ZNF679: variants seen among roughly 807,000 people sequenced by gnomAD.
ZNF679 encodes hypothetical protein MGC42415.
Under a neutral mutation model 13.4 loss-of-function variants are expected in ZNF679, and 10 were observed. The ratio of observed to expected loss-of-function variants is 0.75; its 90% CI spans 0.46 to 1.27. ZNF679 has a LOEUF of 1.27. ZNF679 is among the 50% of genes most tolerant of loss of function. ZNF679 has a pLI of 0.00. For missense variants in ZNF679, 525 were observed against 477.8 expected, an observed-to-expected ratio of 1.10 and a Z score of -0.92; for synonymous variants, 179 against 162.5, an observed-to-expected ratio of 1.10 and a Z score of -0.77.
At position 64,237,022 on chromosome 7, in the gene ZNF679, A is replaced by C. The variant is rs542388944; in HGVS notation, c.-91+8370A>C. ...AAGAAAAAGAAAGAAAGAAAGAAAG[A>C]AACCTATGGGTAGGGAACAGTACAC... is the stretch of plus-strand genomic sequence containing the variant. On this transcript the variant is annotated intron_variant, in intron 1 of 4. Coordinates refer to ENST00000421025, the MANE Select transcript of ZNF679 (RefSeq NM_153363.3). Among the ~76,000 whole-genome samples, 59 of 151,026 alleles carry C rather than the reference A, an allele frequency of 3.9e-4. 1 individual carries two copies. The East Asian group carries it at 7.4e-3, about 19-fold the overall frequency.
intron 4 of ZNF679, among the ~76,000 whole-genome samples, chr7:64,265,674 T>C (rs1788134008): frequency 1.3e-5 from 2 of 152,218 alleles, no homozygotes; most frequent in Admixed American, 1.3e-4. Flanking sequence ...CTCTTGGTAT[T>C]GTGCCCACCT....
intron 1 of ZNF679, among the ~76,000 whole-genome samples, chr7:64,248,658 A>G (rs1472067210): frequency 6.6e-6 from 1 of 152,230 alleles, no homozygotes; most frequent in Non-Finnish European, 1.5e-5. Context: ...GCAGCAAGGA[A>G]GGTCATAAAA....
chr7:64,236,776 C>CGAAAG (rs1386085258), intron 1 of ZNF679, among the ~76,000 whole-genome samples: 6 of 121,860 alleles, frequency 4.9e-5, no homozygotes, highest in East Asian at 2.3e-4. Flanking sequence ...GAGTGAAACT[C>CGAAAG]GAAAGGAAAG....
At chr7:64,236,187 C>G (rs1787709345) in intron 1 of ZNF679, among the ~76,000 whole-genome samples, 1 of 152,004 alleles carries the variant, frequency 6.6e-6, no homozygotes, top group Non-Finnish European at 1.5e-5. Flanking sequence ...ATTGCTTGAA[C>G]TCAGTAGGCA....
rs1491499754 is a variant in ZNF679, at chr7:64,245,422, A to AGG, written c.-90-3605_-90-3604insGG. ...AAAGATAGGAAAGGGAGAGAGAGAA[A>AGG]GAGAGAGAGAGAGAGAGAGAGGGAG... On this transcript the variant is annotated intron_variant, in intron 1 of 4. Transcript: ENST00000421025. Among the ~76,000 whole-genome samples the AGG allele has an allele frequency of 3.6e-4, 6 of 16,546 alleles. No homozygotes were observed. In the East Asian group the frequency reaches 0.011, roughly 30 times the overall value. 10.9% of individuals were successfully genotyped at this position (16,546 alleles called of 152,430 possible). A position where few individuals can be genotyped will look rare whatever the true frequency, so the allele number is the denominator to read the frequency against.
chr7:64,249,681 T>G (rs139959270), intron 2 of ZNF679, among the ~76,000 whole-genome samples: 1 of 152,324 alleles, frequency 6.6e-6, no homozygotes, highest in Non-Finnish European at 1.5e-5. Context: ...ATAAGTTGCA[T>G]GATGAAGCAA....
chr7:64,258,561 C>T (rs926783669), intron 2 of ZNF679, among the ~76,000 whole-genome samples: 3 of 151,742 alleles, frequency 2.0e-5, no homozygotes, highest in Non-Finnish European at 2.9e-5. Flanking sequence ...ATCAGCCGGG[C>T]GTGGTGGCAC....
intron 1 of ZNF679, among the ~76,000 whole-genome samples, chr7:64,246,332 C>T (rs777331812): frequency 5.1e-4 from 77 of 152,244 alleles, no homozygotes; most frequent in Middle Eastern, 3.4e-3. Flanking sequence ...TTGGGTTGGG[C>T]GTTTCCTTAG....
intron 2 of ZNF679, among the ~76,000 whole-genome samples, chr7:64,258,355 A>G (rs963785873): frequency 1.3e-5 from 2 of 152,086 alleles, no homozygotes; most frequent in African/African-American, 4.8e-5. Flanking sequence ...ATTTCAGAGA[A>G]AGAGGAGGAA....
chr7:64,235,737 C>T (rs1051574392), intron 1 of ZNF679, among the ~76,000 whole-genome samples: 15 of 150,708 alleles, frequency 1.0e-4, no homozygotes, highest in African/African-American at 3.2e-4. Flanking sequence ...TGCCATGAGC[C>T]GAGATCATGC....
chr7:64,237,380 C>T (rs547621457), intron 1 of ZNF679, among the ~76,000 whole-genome samples: 1 of 152,278 alleles, frequency 6.6e-6, no homozygotes, highest in South Asian at 2.1e-4. Flanking sequence ...TTTCTAGCAG[C>T]CAGGTGGGGA....
intron 2 of ZNF679, 88 bp downstream of exon 2, chr7:64,249,244 G>T (rs1312189836): frequency 9.9e-6 from 16 of 1,608,668 alleles, no homozygotes; most frequent in Non-Finnish European, 1.2e-5. Context: ...AAACTTCCTC[G>T]CAGTCAGCTC....
intron 1 of ZNF679, among the ~76,000 whole-genome samples, chr7:64,231,762 A>G (rs1787642959): frequency 6.6e-6 from 1 of 152,134 alleles, no homozygotes; most frequent in African/African-American, 2.4e-5. Context: ...GGAGCATCAC[A>G]TCACCTATGT....
At chr7:64,243,380 A>C (rs539579445) in intron 1 of ZNF679, among the ~76,000 whole-genome samples, 1 of 152,298 alleles carries the variant, frequency 6.6e-6, no homozygotes, top group South Asian at 2.1e-4. Flanking sequence ...TAGGGTCCTG[A>C]CAATAAAATT....
chr7:64,255,801 G>A (rs372357624), intron 2 of ZNF679, among the ~76,000 whole-genome samples: 60 of 152,036 alleles, frequency 3.9e-4, no homozygotes, highest in African/African-American at 1.4e-3. Context: ...TAGAGACAGG[G>A]TTTCACCATG....
At chr7:64,265,851 C>A in intron 4 of ZNF679, 45 bp from the exon 5 acceptor site, 3 of 1,580,280 alleles carry the variant, frequency 1.9e-6, no homozygotes, top group Non-Finnish European at 2.6e-6. Context: ...GTATATCTAT[C>A]TGGGTGTAGT....
chr7:64,238,420 T>C (rs368376536), intron 1 of ZNF679, among the ~76,000 whole-genome samples: 40 of 152,260 alleles, frequency 2.6e-4, no homozygotes, highest in South Asian at 1.9e-3. Flanking sequence ...AAACAGAGTC[T>C]CACTCACTCC....
chr7:64,245,958 ATC>A (rs1238831538), intron 1 of ZNF679, among the ~76,000 whole-genome samples: 1 of 152,154 alleles, frequency 6.6e-6, no homozygotes, highest in Non-Finnish European at 1.5e-5. Context: ...GTGAGCCAAG[ATC>A]TCACGATTAC....
chr7:64,246,001 C>G (rs569321188), intron 1 of ZNF679, among the ~76,000 whole-genome samples: 5 of 152,080 alleles, frequency 3.3e-5, no homozygotes, highest in African/African-American at 1.2e-4. Context: ...AGCGAGACTC[C>G]GTCTCAAAAC....
Sources: allele counts gnomAD v4.1 joint callset (sites outside exome capture counted in the v4.1 genomes callset), GRCh38; gene constraint gnomAD v4.1.1; transcripts MANE v1.5; gene names NCBI Gene and HGNC (gene_info 2026-07-23, HGNC 2026-07-21).